The following FAM117B variants were observed in gnomAD, a reference collection of about 807,000 sequenced individuals.
FAM117B encodes the protein family with sequence similarity 117 member B, also known as protein FAM117B.
A neutral mutation model predicts 52.8 loss-of-function variants in FAM117B; 22 were observed. That is an observed-to-expected ratio of 0.42 (90% CI 0.30 to 0.59). The LOEUF is 0.59. Ranked by LOEUF, FAM117B falls within the 20% of genes least tolerant of loss-of-function variation. The pLI is 0.22. For missense variants in FAM117B, 678 were observed against 802.6 expected (o/e 0.84, Z 1.88); for synonymous variants, 309 against 324.1 (o/e 0.95, Z 0.50).
chr2:202,737,570 C>A (rs767128909), intron 4 of FAM117B, among the ~76,000 whole-genome samples: 1 of 152,098 alleles, frequency 6.6e-6, no homozygotes, highest in Non-Finnish European at 1.5e-5. Flanking sequence ...AGTGCCCTTG[C>A]ATTTCCTCTA....
chr2:202,668,567 C>T (rs1690246169), intron 1 of FAM117B, among the ~76,000 whole-genome samples: 1 of 145,406 alleles, frequency 6.9e-6, no homozygotes. Flanking sequence ...GTATAGTGAA[C>T]TCTGATTGTG....
intron 2 of FAM117B, among the ~76,000 whole-genome samples, chr2:202,696,363 A>G (rs929845657): frequency 1.3e-5 from 2 of 152,200 alleles, no homozygotes; most frequent in Admixed American, 1.3e-4. Context: ...CCACATTGGA[A>G]GACGAAGAAT....
chr2:202,661,454 A>G (rs571101829), intron 1 of FAM117B, among the ~76,000 whole-genome samples: 22 of 152,318 alleles, frequency 1.4e-4, no homozygotes, highest in African/African-American at 5.3e-4. Context: ...TTGAATATGT[A>G]ATGTAATTCT....
At chr2:202,712,033 T>C (rs1475767234) in intron 2 of FAM117B, among the ~76,000 whole-genome samples, 1 of 152,204 alleles carries the variant, frequency 6.6e-6, no homozygotes, top group Non-Finnish European at 1.5e-5. Flanking sequence ...TCTGGGTCTT[T>C]TGTGGATCCT....
intron 4 of FAM117B, among the ~76,000 whole-genome samples, chr2:202,752,207 G>A (rs1045605408): frequency 2.6e-5 from 4 of 152,012 alleles, no homozygotes; most frequent in African/African-American, 9.7e-5. Context: ...TGCTTTAGAC[G>A]CCAGGCACCA....
At chr2:202,638,001 C>T (rs1291493125) in intron 1 of FAM117B, among the ~76,000 whole-genome samples, 5 of 151,836 alleles carry the variant, frequency 3.3e-5, no homozygotes, top group South Asian at 2.1e-4. Flanking sequence ...CTCAGCCTCC[C>T]GAGTAGCTGG....
chr2:202,666,279 G>GA (rs904801695), intron 1 of FAM117B, among the ~76,000 whole-genome samples: 10 of 150,782 alleles, frequency 6.6e-5, no homozygotes, highest in East Asian at 3.9e-4. Flanking sequence ...CATGAAAATT[G>GA]AAAAAAAATA....
chr2:202,677,261 T>G (rs1330116224), intron 1 of FAM117B, among the ~76,000 whole-genome samples: 1 of 151,960 alleles, frequency 6.6e-6, no homozygotes, highest in African/African-American at 2.4e-5. Context: ...AGAGATGGAG[T>G]TTCACGATGT....
intron 2 of FAM117B, among the ~76,000 whole-genome samples, chr2:202,705,719 C>T (rs527661434): frequency 1.2e-4 from 18 of 152,298 alleles, no homozygotes; most frequent in African/African-American, 2.6e-4. Flanking sequence ...CTTCCAAAAA[C>T]GTTAGACTAA....
intron 3 of FAM117B, among the ~76,000 whole-genome samples, chr2:202,725,418 A>G (rs1424488761): frequency 6.6e-6 from 1 of 151,342 alleles, no homozygotes; most frequent in Non-Finnish European, 1.5e-5. Flanking sequence ...TCCCAGGCTC[A>G]AGCAATTCTC....
At chr2:202,723,296 G>A (rs573937018) in intron 2 of FAM117B, among the ~76,000 whole-genome samples, 5 of 152,202 alleles carry the variant, frequency 3.3e-5, no homozygotes, top group African/African-American at 7.2e-5. Context: ...TAATTGGTAC[G>A]TTAATAGTGC....
chr2:202,691,649 TTGTGTGTGTGTGTGTG>T lies in FAM117B; in HGVS notation c.602-4197_602-4182del, dbSNP rs199855927. On this transcript the variant is annotated intron_variant, in intron 1 of 7. Transcript: ENST00000392238. ...TATAATGCATATATACCAGTTTACA[TTGTGTGTGTGTGTGTG>T]TGTGTGTGTGTGTGTGTGTGTGTGT... Among the ~76,000 whole-genome samples, 558 of 126,878 alleles carry T rather than the reference TTGTGTGTGTGTGTGTG, an allele frequency of 4.4e-3. 2 individuals carry two copies. Among genetic ancestry groups the T allele is most frequent in the Non-Finnish European group, 7.3e-3 (426 of 58,352 alleles). 83.2% of individuals were successfully genotyped at this position (126,878 alleles called of 152,430 possible).
intron 4 of FAM117B, among the ~76,000 whole-genome samples, chr2:202,735,382 A>G (rs969511069): frequency 1.3e-5 from 2 of 152,210 alleles, no homozygotes; most frequent in Non-Finnish European, 2.9e-5. Context: ...TTAACATTGA[A>G]GGGACAGTAT....
At chr2:202,655,167 A>G (rs1690032801) in intron 1 of FAM117B, among the ~76,000 whole-genome samples, 1 of 152,170 alleles carries the variant, frequency 6.6e-6, no homozygotes, top group African/African-American at 2.4e-5. Context: ...AGCATAGTGC[A>G]TTTGAGATTC....
intron 7 of FAM117B, among the ~76,000 whole-genome samples, chr2:202,761,521 T>G (rs1404806844): frequency 1.3e-5 from 2 of 151,016 alleles, no homozygotes; most frequent in African/African-American, 2.5e-5. Flanking sequence ...TTTGTTTTTG[T>G]TTTTGTTTTT....
At chr2:202,649,832 C>T (rs1194399401) in intron 1 of FAM117B, among the ~76,000 whole-genome samples, 4 of 151,974 alleles carry the variant, frequency 2.6e-5, no homozygotes, top group Admixed American at 6.6e-5. Context: ...GATTTACAAG[C>T]GTGAACCACC....
At chr2:202,699,426 C>CAAAAAAAAAAAAAAA (rs751190825) in intron 2 of FAM117B, among the ~76,000 whole-genome samples, 43 of 17,772 alleles carry the variant, frequency 2.4e-3, no homozygotes, top group African/African-American at 4.7e-3. Context: ...GACCCCATCT[C>CAAAAAAAAAAAAAAA]AAAAAAAAAA....
intron 2 of FAM117B, among the ~76,000 whole-genome samples, chr2:202,704,791 A>C (rs1690848838): frequency 6.6e-6 from 1 of 151,806 alleles, no homozygotes; most frequent in African/African-American, 2.4e-5. Context: ...AGTAGAGATG[A>C]GGCTTCACCA....
chr2:202,654,191 A>T, intron 1 of FAM117B, among the ~76,000 whole-genome samples: 2 of 151,444 alleles, frequency 1.3e-5, no homozygotes, highest in East Asian at 1.9e-4. Context: ...TATTGGCCAA[A>T]TTTTTTTATT....
Sources: allele counts gnomAD v4.1 joint callset (sites outside exome capture counted in the v4.1 genomes callset), GRCh38; gene constraint gnomAD v4.1.1; transcripts MANE v1.5; gene names NCBI Gene and HGNC (gene_info 2026-07-23, HGNC 2026-07-21).